The following ABCA4 variants were observed in gnomAD, a reference collection of about 807,000 sequenced individuals.
The protein encoded by ABCA4 is ATP binding cassette subfamily A member 4, also known as retinal-specific phospholipid-transporting ATPase ABCA4.
Under a neutral mutation model 263.7 loss-of-function variants are expected in ABCA4, and 196 were observed. The ratio of observed to expected loss-of-function variants is 0.74; its 90% CI spans 0.66 to 0.84. The LOEUF is 0.84. ABCA4 is among the 40% of genes least tolerant of loss of function. The pLI, the probability that ABCA4 is intolerant of heterozygous loss-of-function variation, is 0.00. For missense variants in ABCA4, 2,792 were observed against 2,855.1 expected (o/e 0.98, Z 0.50); for synonymous variants, 1,133 against 1,094.2 (o/e 1.04, Z -0.70).
rs1268616305 is a variant in ABCA4 at position 94,080,516 on chromosome 1, G to A, written c.1061C>T (p.Thr354Ile). ...ATAAGAATAGATAGGATCCTTCCTT[G>A]TGGAGTCAATCCCCAGAAAGGCCTT... ...NYKAFLGIDS[T>I]RKDPIYSYDR... Residue 354 changes from threonine to isoleucine, a missense_variant, in exon 8 of 50, where the codon ACA becomes ATA. Physicochemically the swap from Thr to Ile is moderately conservative, Grantham distance 89. Transcript: ENST00000370225. The A allele has an allele frequency of 1.2e-6, 2 of 1,614,070 alleles. No homozygotes were observed. Among genetic ancestry groups the A allele is most frequent in the South Asian group, 1.1e-5 (1 of 91,096 alleles).
At chr1:94,047,207 C>T (rs1339675650) in intron 18 of ABCA4, 114 bp from the exon 19 acceptor site, 78 of 1,156,230 alleles carry the variant, frequency 6.7e-5, no homozygotes, top group Middle Eastern at 2.0e-4. Flanking sequence ...CCTGTGGCTT[C>T]GGCTATCACC....
chr1:94,100,762 G>C (rs1033881473), intron 5 of ABCA4, among the ~76,000 whole-genome samples: 4 of 152,188 alleles, frequency 2.6e-5, no homozygotes, highest in Admixed American at 6.5e-5. Flanking sequence ...AGTCCTGATG[G>C]TAAAGGACAC....
rs746617749 is a variant in ABCA4, at chr1:94,015,697, G to T, written c.5312+42C>A. 3.3e-6 allele frequency: 5 copies of T among 1,501,330 alleles called. No individual in the cohort carries two copies. In the African/African-American group the frequency reaches 6.9e-5, roughly 21 times the overall value. 93.0% of individuals were successfully genotyped at this position (1,501,330 alleles called of 1,614,324 possible). On this transcript the variant is annotated intron_variant, in intron 37 of 49. Coordinates refer to ENST00000370225, the MANE Select transcript of ABCA4 (RefSeq NM_000350.3). ...GATGATCCCCCACCCCCACCACCAG[G>T]CTTCTCTTCAGAGGCATTAGCTAAT...
chr1:94,014,755 G>A (rs2101014085), intron 37 of ABCA4, 65 bp from the exon 38 acceptor site: 1 of 1,599,540 alleles, frequency 6.3e-7, no homozygotes, highest in Admixed American at 1.7e-5. Context: ...CAATACGTCT[G>A]GATATAATGC....
At chr1:93,996,640 C>T (rs2100986214) in intron 48 of ABCA4, among the ~76,000 whole-genome samples, 1 of 152,236 alleles carries the variant, frequency 6.6e-6, no homozygotes, top group African/African-American at 2.4e-5. Context: ...ATGGAGACTT[C>T]CCTGTTTCCA....
At chr1:94,117,942 C>T (rs1235172050) in intron 1 of ABCA4, among the ~76,000 whole-genome samples, 1 of 152,216 alleles carries the variant, frequency 6.6e-6, no homozygotes, top group Non-Finnish European at 1.5e-5. Flanking sequence ...ATAGTGCTCC[C>T]TTTCACTTGC....
chr1:94,114,196 G>C (rs1662686051), intron 1 of ABCA4, among the ~76,000 whole-genome samples: 1 of 152,188 alleles, frequency 6.6e-6, no homozygotes, highest in Non-Finnish European at 1.5e-5. Context: ...CACCATAGCA[G>C]AGGCTCAATA....
chr1:94,040,012 G>A (rs751400376), intron 24 of ABCA4, 31 bp downstream of exon 24: 2 of 1,563,162 alleles, frequency 1.3e-6, no homozygotes, highest in Non-Finnish European at 1.7e-6. Flanking sequence ...GCTGCCAGAC[G>A]GAACCCAAGT....
chr1:94,030,607 G>T, intron 28 of ABCA4, 81 bp from the exon 29 acceptor site: 1 of 1,338,816 alleles, frequency 7.5e-7, no homozygotes, highest in Middle Eastern at 1.8e-4. Context: ...CTGGATAGCT[G>T]CTGTGTGCCA....
In ABCA4 at chr1:94,014,411, T is replaced by C. The variant is rs1210456532; in HGVS notation, c.5460+132A>G. The C allele has an allele frequency of 7.3e-6, 7 of 957,228 alleles. No individual in the cohort carries two copies. The East Asian group carries it at 1.8e-4, about 24-fold the overall frequency. 59.3% of individuals were successfully genotyped at this position (957,228 alleles called of 1,614,324 possible). ...GAAGGAAAGGAGGCAGGGTCGGGGGTAGGGAGGAAGAAAGTGGCACTCATC... is the reference window on the plus strand; with the variant it reads ...GAAGGAAAGGAGGCAGGGTCGGGGGCAGGGAGGAAGAAAGTGGCACTCATC... On this transcript the variant is annotated intron_variant, in intron 38 of 49. Transcript: ENST00000370225.
Position 94,008,311 on chromosome 1 carries a change from A to G in ABCA4, c.5836-14T>C. Reference sequence around the variant, plus strand: ...GCCTGGATAAATCTGCAAGATACGAAGAAACCGGACTGAGAACTGAGACAG... The same window carrying G: ...GCCTGGATAAATCTGCAAGATACGAGGAAACCGGACTGAGAACTGAGACAG... On this transcript the variant is annotated splice_polypyrimidine_tract_variant and intron_variant, in intron 41 of 49. Coordinates refer to ENST00000370225, the MANE Select transcript of ABCA4 (RefSeq NM_000350.3). 6.2e-7 allele frequency: 1 copy of G among 1,613,532 alleles called. No homozygotes were observed. Among genetic ancestry groups the G allele is most frequent in the South Asian group, 1.1e-5 (1 of 91,072 alleles).
chr1:94,092,955 A>C (rs1455264562), intron 6 of ABCA4, among the ~76,000 whole-genome samples: 1 of 152,170 alleles, frequency 6.6e-6, no homozygotes, highest in Non-Finnish European at 1.5e-5. Context: ...GCTGTGTAGG[A>C]CAAGTCTTAT....
chr1:94,007,720 C>T lies in ABCA4; in HGVS notation c.5919G>A (p.Val1973=), dbSNP rs200579529. Residue 1973 remains valine (V), a synonymous_variant, in exon 43 of 50, where the codon GTG becomes GTA. Transcript: ENST00000370225. The part of the protein sequence containing the change: ...RPGECFGLLG[V]NGAGKTTTFK... ...ATGTGGTTGTTTTGCCGGCACCATT[C>T]ACTCCCAGGAGGCCAAAGCACTAGG... 1 of 1,614,086 alleles carries T rather than the reference C, an allele frequency of 6.2e-7. No homozygotes were observed. The highest frequency in any genetic ancestry group is 8.5e-7 in the Non-Finnish European group (1 of 1,180,032).
In ABCA4 at chr1:94,116,179, C is replaced by T. The variant is rs528223012; in HGVS notation, c.67-3113G>A. On this transcript the variant is annotated intron_variant, in intron 1 of 49. Coordinates refer to ENST00000370225, the MANE Select transcript of ABCA4 (RefSeq NM_000350.3). The stretch of plus-strand genomic sequence containing the variant: ...AGGAGTAGGGGAGGGATCAGCACCT[C>T]CTTTCTCCCTTCCTTCTTTGTCTGG... Among the ~76,000 whole-genome samples, 191 of 152,298 alleles carry T rather than the reference C, an allele frequency of 1.3e-3. 1 individual carries two copies. The highest frequency in any genetic ancestry group is 4.5e-3 in the African/African-American group (187 of 41,562).
intron 30 of ABCA4, among the ~76,000 whole-genome samples, chr1:94,026,563 G>T (rs1660045084): frequency 6.6e-6 from 1 of 152,190 alleles, no homozygotes; most frequent in Non-Finnish European, 1.5e-5. Context: ...GCTGAAAGTG[G>T]CACTCAGACA....
At chr1:94,055,361 T>C in intron 15 of ABCA4, 46 bp from the exon 16 acceptor site, 1 of 1,592,210 alleles carries the variant, frequency 6.3e-7, no homozygotes, top group Non-Finnish European at 8.6e-7. Flanking sequence ...GTGCCTTTTA[T>C]CCAATGCAAC....
At chr1:94,049,892 A>T (rs1173945278) in intron 17 of ABCA4, among the ~76,000 whole-genome samples, 1 of 152,132 alleles carries the variant, frequency 6.6e-6, no homozygotes, top group Non-Finnish European at 1.5e-5. Context: ...GTTTAAAAAG[A>T]TATCAGGACA....
At chr1:94,087,541 G>C (rs1661864847) in intron 6 of ABCA4, among the ~76,000 whole-genome samples, 1 of 152,180 alleles carries the variant, frequency 6.6e-6, no homozygotes, top group East Asian at 1.9e-4. Context: ...CCTGGTCCCT[G>C]CCTGCAACAT....
chr1:94,112,389 G>A (rs1367170038), intron 2 of ABCA4, among the ~76,000 whole-genome samples: 3 of 152,094 alleles, frequency 2.0e-5, no homozygotes, highest in African/African-American at 4.8e-5. Flanking sequence ...TCTTTAAAAC[G>A]AGAGAGTTTA....
Sources: gnomAD v4.1 joint callset for allele counts (sites outside exome capture counted in the v4.1 genomes callset) on GRCh38, gnomAD v4.1.1 for gene constraint, MANE v1.5 for transcripts, NCBI Gene and HGNC (gene_info 2026-07-23, HGNC 2026-07-21) for gene names.